MSI2: variants seen among roughly 807,000 people sequenced by gnomAD.
The protein encoded by MSI2 is RNA-binding protein Musashi homolog 2.
A neutral mutation model predicts 45.6 loss-of-function variants in MSI2; 17 were observed. That is an observed-to-expected ratio of 0.37 (90% CI 0.26 to 0.56). MSI2 has a LOEUF of 0.56. Ranked by LOEUF, MSI2 falls within the 20% of genes least tolerant of loss-of-function variation. The pLI is 0.77. For missense variants in MSI2, 293 were observed against 444.2 expected (o/e 0.66, Z 3.06); for synonymous variants, 156 against 158.2 (o/e 0.99, Z 0.11).
At chr17:57,466,688 C>T (rs2085336679) in intron 6 of MSI2, among the ~76,000 whole-genome samples, 1 of 152,098 alleles carries the variant, frequency 6.6e-6, no homozygotes, top group Non-Finnish European at 1.5e-5. Context: ...ATTTTTTTTC[C>T]CCCAAGATAT....
Position 57,256,594 on chromosome 17 carries a change from C to G in MSI2, c.-149C>G. 1 of 396,794 alleles carries G rather than the reference C, an allele frequency of 2.5e-6. No homozygotes were observed. The highest frequency in any genetic ancestry group is 5.1e-5 in the Admixed American group (1 of 19,728). 24.6% of individuals were successfully genotyped at this position (396,794 alleles called of 1,614,324 possible). On this transcript the variant is annotated 5_prime_UTR_variant, in exon 1 of 14. Coordinates refer to ENST00000284073, the MANE Select transcript of MSI2 (RefSeq NM_138962.4). ...TCTCGCCGCTGCCCCGGCTCCGCCG[C>G]TCGCAGAGAGATTCGGAGGAGCCCG... is the stretch of plus-strand genomic sequence containing the variant.
intron 7 of MSI2, among the ~76,000 whole-genome samples, chr17:57,562,675 A>C (rs933962091): frequency 9.9e-5 from 15 of 152,240 alleles, no homozygotes; most frequent in Non-Finnish European, 1.5e-5. Context: ...CAACATAAAA[A>C]AATGTAGTCA....
At chr17:57,456,455 G>A (rs1010972714) in intron 6 of MSI2, among the ~76,000 whole-genome samples, 1 of 152,298 alleles carries the variant, frequency 6.6e-6, no homozygotes, top group South Asian at 2.1e-4. Context: ...TATTAGTGGG[G>A]CGTGGTGGCA....
At chr17:57,440,976 A>G (rs78307525) in intron 6 of MSI2, among the ~76,000 whole-genome samples, 2,154 of 152,284 alleles carry the variant, frequency 0.014, 52 homozygotes, top group African/African-American at 0.049. Context: ...TGGGAGCTGT[A>G]GCTCTGGCCA....
At chr17:57,531,290 G>T (rs1311855709) in intron 7 of MSI2, among the ~76,000 whole-genome samples, 1 of 152,194 alleles carries the variant, frequency 6.6e-6, no homozygotes, top group East Asian at 1.9e-4. Context: ...GTAGGATGGG[G>T]GTAATCATAG....
intron 6 of MSI2, among the ~76,000 whole-genome samples, chr17:57,472,911 G>A (rs932213831): frequency 9.0e-5 from 12 of 133,542 alleles, no homozygotes; most frequent in African/African-American, 3.4e-4. Flanking sequence ...TTTTTTTTTT[G>A]GATGGAGCCT....
intron 5 of MSI2, among the ~76,000 whole-genome samples, chr17:57,314,045 T>G (rs555462669): frequency 3.9e-5 from 6 of 152,284 alleles, no homozygotes; most frequent in African/African-American, 1.4e-4. Context: ...ATGGAAGTTT[T>G]GATAGGGTTG....
At chr17:57,678,133 G>T (rs755793762) in intron 13 of MSI2, among the ~76,000 whole-genome samples, 1 of 152,188 alleles carries the variant, frequency 6.6e-6, no homozygotes, top group Non-Finnish European at 1.5e-5. Context: ...TGCCTCTCTC[G>T]TAGAGAGGGA....
chr17:57,593,850 G>A (rs981251792), intron 7 of MSI2, among the ~76,000 whole-genome samples: 9 of 152,264 alleles, frequency 5.9e-5, no homozygotes, highest in Admixed American at 4.6e-4. Flanking sequence ...CCACAGGCTG[G>A]AAGTGAGGGG....
chr17:57,444,627 C>T (rs1336454876), intron 6 of MSI2: 1 of 152,146 alleles, frequency 6.6e-6, no homozygotes, highest in East Asian at 1.9e-4. Flanking sequence ...TGCCCAGAGC[C>T]CTTCACTGTG....
chr17:57,465,776 C>T (rs1374641582), intron 6 of MSI2, among the ~76,000 whole-genome samples: 9 of 152,108 alleles, frequency 5.9e-5, no homozygotes, highest in Admixed American at 3.9e-4. Context: ...TTGGAACAGC[C>T]CAGAAACCCA....
At chr17:57,429,735 T>TA (rs61548525) in intron 6 of MSI2, among the ~76,000 whole-genome samples, 5 of 147,688 alleles carry the variant, frequency 3.4e-5, no homozygotes, top group African/African-American at 1.2e-4. Context: ...ATTAGATAAT[T>TA]AAAAAAAAAA....
chr17:57,472,340 G>A (rs1418924761), intron 6 of MSI2, among the ~76,000 whole-genome samples: 2 of 152,176 alleles, frequency 1.3e-5, no homozygotes, highest in African/African-American at 2.4e-5. Context: ...CTCAGGGGCT[G>A]TGGCCCTGCC....
At chr17:57,328,263 T>TCC (rs1913976606) in intron 5 of MSI2, among the ~76,000 whole-genome samples, 3 of 150,694 alleles carry the variant, frequency 2.0e-5, no homozygotes, top group Admixed American at 6.6e-5. Context: ...TGTATTCATC[T>TCC]ATCCATCCAT....
chr17:57,592,905 A>G (rs1044484501), intron 7 of MSI2, among the ~76,000 whole-genome samples: 2 of 152,146 alleles, frequency 1.3e-5, no homozygotes, highest in African/African-American at 4.8e-5. Flanking sequence ...TGTGCAGTGG[A>G]CCAGGAAGGA....
At chr17:57,387,097 G>A (rs2083699814) in intron 5 of MSI2, among the ~76,000 whole-genome samples, 1 of 152,164 alleles carries the variant, frequency 6.6e-6, no homozygotes, top group Non-Finnish European at 1.5e-5. Context: ...GTCCCCAGTT[G>A]CCTCTTTGCC....
intron 6 of MSI2, among the ~76,000 whole-genome samples, chr17:57,424,930 A>G (rs1202707296): frequency 2.0e-5 from 3 of 151,898 alleles, no homozygotes; most frequent in Admixed American, 6.5e-5. Context: ...CGGACACCTG[A>G]TCTGCTTTGC....
intron 6 of MSI2, among the ~76,000 whole-genome samples, chr17:57,403,921 CAG>C (rs2143120293): frequency 8.0e-6 from 1 of 125,422 alleles, no homozygotes; most frequent in East Asian, 2.3e-4. Context: ...TTGAAGGAAA[CAG>C]AATGAATGTG....
At chr17:57,447,594 G>A (rs952903033) in intron 6 of MSI2, among the ~76,000 whole-genome samples, 1 of 151,834 alleles carries the variant, frequency 6.6e-6, no homozygotes, top group African/African-American at 2.4e-5. Context: ...ATGGGTGGGG[G>A]GGGTGTCTCA....
Sources: allele counts gnomAD v4.1 joint callset (sites outside exome capture counted in the v4.1 genomes callset), GRCh38; gene constraint gnomAD v4.1.1; transcripts MANE v1.5; gene names NCBI Gene and HGNC (gene_info 2026-07-23, HGNC 2026-07-21).